The following PFKFB3 variants were observed in gnomAD, a reference collection of about 807,000 sequenced individuals.
PFKFB3 encodes the protein 6-phosphofructo-2-kinase/fructose-2,6-bisphosphatase 3.
In PFKFB3, 33 loss-of-function variants were observed where a neutral mutation model predicts 68.0. The ratio of observed to expected loss-of-function variants is 0.49; its 90% CI spans 0.37 to 0.65. The LOEUF (loss-of-function observed/expected upper bound fraction) is 0.65, where lower values mean the gene tolerates loss of function less well. Ranked by LOEUF, PFKFB3 falls within the 30% of genes least tolerant of loss-of-function variation. The pLI is 0.00. For missense variants in PFKFB3, 586 were observed against 712.2 expected (o/e 0.82, Z 2.02); for synonymous variants, 315 against 288.2 (o/e 1.09, Z -0.94).
At chr10:6,203,440 G>A (rs898348667) in intron 1 of PFKFB3, 104 bp downstream of exon 1, 9 of 666,254 alleles carry the variant, frequency 1.4e-5, no homozygotes, top group African/African-American at 7.8e-5. Context: ...GGGCGCGCCC[G>A]TGCGGGTCGC....
At chr10:6,241,977 C>A (rs1846152287) in intron 14 of PFKFB3, among the ~76,000 whole-genome samples, 1 of 151,862 alleles carries the variant, frequency 6.6e-6, no homozygotes, top group South Asian at 2.1e-4. Context: ...CCCCGAGTAG[C>A]TGGGATTACA....
chr10:6,181,690 CAGG>C (rs1842716314), intron 1 of PFKFB3, among the ~76,000 whole-genome samples: 1 of 150,982 alleles, frequency 6.6e-6, no homozygotes, highest in African/African-American at 2.4e-5. Context: ...CCTAGTTACT[CAGG>C]AGGCTAGGGT....
In PFKFB3 at chr10:6,210,336, G is replaced by GTTTTTTTTT. The variant is rs35193180; in HGVS notation, c.77-3286_77-3278dup. 1.0e-3 allele frequency among the ~76,000 whole-genome samples: 63 copies of GTTTTTTTTT among 60,992 alleles called. 2 individuals are homozygous for GTTTTTTTTT. Among genetic ancestry groups the GTTTTTTTTT allele is most frequent in the African/African-American group, 2.2e-3 (59 of 26,804 alleles). The allele number at this position is 60,992 out of a possible 152,430, so 40.0% of individuals were successfully genotyped here. A position where few individuals can be genotyped will look rare whatever the true frequency, so the allele number is the denominator to read the frequency against. On this transcript the variant is annotated intron_variant, in intron 1 of 14. Transcript: ENST00000379775. ...AAACACCTCAGGCGCCCCTCTCTTT[G>GTTTTTTTTT]TTTTTTTTTGTTTTTTTTTGTTTTT...
chr10:6,247,665 C>T (rs199513548), intron 14 of PFKFB3, among the ~76,000 whole-genome samples: 26 of 152,246 alleles, frequency 1.7e-4, no homozygotes, highest in Admixed American at 3.9e-4. Context: ...CTGGCCAGTC[C>T]AGAGCCCTGA....
At chr10:6,199,023 A>C (rs1359521663), upstream of PFKFB3, among the ~76,000 whole-genome samples, 1 of 152,162 alleles carries the variant, frequency 6.6e-6, no homozygotes, top group Non-Finnish European at 1.5e-5. Context: ...ATCATGTGTG[A>C]GTTACAAATA....
downstream of PFKFB3, among the ~76,000 whole-genome samples, chr10:6,259,542 T>TCATCCATCCATCCAAC: frequency 7.2e-6 from 1 of 138,090 alleles, no homozygotes; most frequent in East Asian, 2.5e-4. Context: ...ATCCATCTGC[T>TCATCCATCCATCCAAC]CATCCATCCA....
chr10:6,206,505 C>G (rs1192560847), intron 1 of PFKFB3, among the ~76,000 whole-genome samples: 5 of 133,216 alleles, frequency 3.8e-5, no homozygotes, highest in Non-Finnish European at 6.2e-5. Flanking sequence ...GGCAGAGGGG[C>G]TCCTCACTTC....
At chr10:6,204,952 T>A (rs150261533) in intron 1 of PFKFB3, among the ~76,000 whole-genome samples, 1 of 152,294 alleles carries the variant, frequency 6.6e-6, no homozygotes, top group Non-Finnish European at 1.5e-5. Context: ...TCAGCTCAGT[T>A]GTGATCTTGA....
intron 14 of PFKFB3, among the ~76,000 whole-genome samples, chr10:6,252,146 TA>T (rs1456347638): frequency 6.6e-6 from 1 of 152,198 alleles, no homozygotes; most frequent in Non-Finnish European, 1.5e-5. Flanking sequence ...AATACAGAAG[TA>T]AAACTCTTTG....
chr10:6,184,524 G>C (rs559653611), intron 1 of PFKFB3, among the ~76,000 whole-genome samples: 2 of 152,092 alleles, frequency 1.3e-5, no homozygotes, highest in African/African-American at 4.8e-5. Context: ...AGGCTGGAGT[G>C]CAATGGTGTG....
At chr10:6,166,802 TCTC>T (rs975782635) in intron 1 of PFKFB3, among the ~76,000 whole-genome samples, 4 of 150,582 alleles carry the variant, frequency 2.7e-5, no homozygotes, top group East Asian at 1.9e-4. Context: ...CTTTCCCACT[TCTC>T]CTAGCCCTTC....
intron 14 of PFKFB3, among the ~76,000 whole-genome samples, chr10:6,250,104 G>A (rs1189891572): frequency 1.3e-5 from 2 of 152,192 alleles, no homozygotes; most frequent in Non-Finnish European, 2.9e-5. Flanking sequence ...CAGGGAAAGT[G>A]TTATGTTGGG....
rs1012227622 is a variant in PFKFB3, at chr10:6,228,653, T to A, written c.1515+2288T>A. On this transcript the variant is annotated intron_variant, in intron 14 of 14. Transcript: ENST00000379775. The surrounding 1 kb of genome is among the most constrained non-coding windows in gnomAD (Gnocchi z 4.5). ...CCTTTGTTTTGGAAGGAAAACTTAC[T>A]CAGAGCCTAATCTGTAAACCAAACC... 1.3e-5 allele frequency among the ~76,000 whole-genome samples: 2 copies of A among 151,112 alleles called. No individual in the cohort carries two copies. The highest frequency in any genetic ancestry group is 4.9e-5 in the African/African-American group (2 of 41,106).
downstream of PFKFB3, among the ~76,000 whole-genome samples, chr10:6,256,583 G>GTGCT (rs1219420333): frequency 6.6e-6 from 1 of 152,238 alleles, no homozygotes; most frequent in Non-Finnish European, 1.5e-5. Context: ...TTTCCACAAG[G>GTGCT]TGGCTGTTGT....
chr10:6,189,357 A>G lies in PFKFB3; in HGVS notation c.17-24266A>G, dbSNP rs903457122. On this transcript the variant is annotated intron_variant, in intron 1 of 14. Coordinates refer to the PFKFB3 transcript ENST00000379789. The stretch of plus-strand genomic sequence containing the variant: ...AGAATATCCTTAGTTTTTAGAAAAT[A>G]AGGTCACTTATTTTTTAGAATTTTT... Among the ~76,000 whole-genome samples the G allele has an allele frequency of 2.6e-5, 4 of 152,248 alleles. No homozygotes were observed. In the East Asian group the frequency reaches 5.8e-4, roughly 22 times the overall value.
chr10:6,325,108 C>T, the PFKFB3 span, among the ~76,000 whole-genome samples: 122 of 152,126 alleles, frequency 8.0e-4, 1 homozygote, highest in African/African-American at 2.5e-3. Flanking sequence ...GGGTTACAGG[C>T]GCCGGCCACC....
At chr10:6,224,256 A>G (rs1347551929) in intron 13 of PFKFB3, 43 bp downstream of exon 13, 3 of 1,592,786 alleles carry the variant, frequency 1.9e-6, no homozygotes, top group Non-Finnish European at 2.6e-6. Flanking sequence ...TCATCACACG[A>G]TAGCCCTAGT....
chr10:6,284,298 C>T, the PFKFB3 span, among the ~76,000 whole-genome samples: 10 of 152,276 alleles, frequency 6.6e-5, no homozygotes, highest in South Asian at 4.1e-4. Flanking sequence ...CAACTATAAT[C>T]GGGAATTCAT....
chr10:6,290,670 T>G, the PFKFB3 span, among the ~76,000 whole-genome samples: 3 of 152,018 alleles, frequency 2.0e-5, no homozygotes, highest in Non-Finnish European at 2.9e-5. Flanking sequence ...AGCTAACTTT[T>G]TTTTTGTATT....
Sources: allele counts gnomAD v4.1 joint callset (sites outside exome capture counted in the v4.1 genomes callset), GRCh38; gene constraint gnomAD v4.1.1; non-coding constraint Gnocchi (gnomAD v3.1); transcripts MANE v1.5; gene names NCBI Gene and HGNC (gene_info 2026-07-23, HGNC 2026-07-21).